KIF16B: variants seen among roughly 807,000 people sequenced by gnomAD.
KIF16B encodes kinesin-like protein KIF16B.
A neutral mutation model predicts 156.3 loss-of-function variants in KIF16B; 98 were observed. The ratio of observed to expected loss-of-function variants is 0.63; its 90% CI spans 0.53 to 0.74. The LOEUF is 0.74. Among genes scored for constraint, KIF16B ranks in the 30% least tolerant of loss-of-function variants. KIF16B has a pLI of 0.00. For synonymous variants in KIF16B, 564 were observed against 583.7 expected (o/e 0.97, Z 0.49); for missense variants, 1,421 against 1,606.5 (o/e 0.88, Z 1.97).
chr20:16,312,458 C>T (rs1207164464), intron 24 of KIF16B, 40 bp from the exon 25 acceptor site: 2 of 1,332,078 alleles, frequency 1.5e-6, no homozygotes, highest in Non-Finnish European at 2.2e-6. Flanking sequence ...TAATAGCATA[C>T]CTGTTAATTG....
At chr20:16,565,153 T>C (rs113903312) in intron 1 of KIF16B, among the ~76,000 whole-genome samples, 4 of 152,342 alleles carry the variant, frequency 2.6e-5, no homozygotes, top group African/African-American at 9.6e-5. Context: ...TTTATGGAAG[T>C]GGTTCTCAAA....
At chr20:16,403,741 C>T (rs2065713594) in intron 17 of KIF16B, among the ~76,000 whole-genome samples, 1 of 152,316 alleles carries the variant, frequency 6.6e-6, no homozygotes, top group Admixed American at 6.5e-5. Context: ...CCTCCTATGA[C>T]ACTGAAGAAA....
chr20:16,544,443 C>A (rs143544315), intron 1 of KIF16B, among the ~76,000 whole-genome samples: 2 of 151,938 alleles, frequency 1.3e-5, no homozygotes, highest in Admixed American at 1.3e-4. Flanking sequence ...AACCCCGTCT[C>A]TACTAAAAAT....
intron 23 of KIF16B, among the ~76,000 whole-genome samples, chr20:16,344,597 G>C (rs976401452): frequency 1.3e-5 from 2 of 152,142 alleles, no homozygotes; most frequent in African/African-American, 4.8e-5. Context: ...GGTCCCATCA[G>C]AACAGTCCCC....
chr20:16,445,419 C>CGTGTGTGTGTGTGT (rs11467171), intron 12 of KIF16B, among the ~76,000 whole-genome samples: 1,536 of 146,852 alleles, frequency 0.01, 28 homozygotes, highest in African/African-American at 0.034. Context: ...CATGTATATA[C>CGTGTGTGTGTGTGT]GTGTGTGTGT....
chr20:16,408,699 T>G (rs1242224131), intron 15 of KIF16B, among the ~76,000 whole-genome samples: 1 of 152,126 alleles, frequency 6.6e-6, no homozygotes, highest in Non-Finnish European at 1.5e-5. Context: ...GTTATCTGCA[T>G]GAAATACACA....
At position 16,406,365 on chromosome 20, in the gene KIF16B, G is replaced by A. The variant is rs753496207; in HGVS notation, c.1695+9C>T. ...AGTGGTTCCCTCCTAGAGACGCCGT[G>A]TCCCTCACCTTCCTCTTCTCCCTGA... On this transcript the variant is annotated intron_variant, in intron 16 of 25. Coordinates refer to ENST00000354981, the MANE Select transcript of KIF16B (RefSeq NM_024704.5). 8.1e-6 allele frequency: 13 copies of A among 1,612,218 alleles called. No individual in the cohort carries two copies. In the South Asian group the frequency reaches 1.4e-4, roughly 18 times the overall value.
chr20:16,558,912 A>C (rs2070954068), intron 1 of KIF16B, among the ~76,000 whole-genome samples: 1 of 151,826 alleles, frequency 6.6e-6, no homozygotes, highest in Non-Finnish European at 1.5e-5. Flanking sequence ...AAAAAAAAAA[A>C]AAAAAAAAAC....
Position 16,498,014 on chromosome 20 carries a change from A to G in KIF16B, c.1177-336T>C, listed in dbSNP as rs143950422. 7.9e-5 allele frequency among the ~76,000 whole-genome samples: 12 copies of G among 152,320 alleles called. No individual in the cohort carries two copies. The East Asian group carries it at 1.2e-3, about 15-fold the overall frequency. ...CCTCTTTTAATATGTACAGAGTCCA[A>G]CATTCAAAAGGGACCATGCCTAAGT... On this transcript the variant is annotated intron_variant, in intron 10 of 25. Coordinates refer to ENST00000354981, the MANE Select transcript of KIF16B (RefSeq NM_024704.5).
chr20:16,286,916 G>T (rs1052877719), intron 25 of KIF16B, among the ~76,000 whole-genome samples: 1 of 152,216 alleles, frequency 6.6e-6, no homozygotes, highest in African/African-American at 2.4e-5. Context: ...TGCCATGGGT[G>T]ACTTGAGAGC....
chr20:16,513,005 G>C (rs2147064581), intron 4 of KIF16B, 82 bp from the exon 5 acceptor site: 1 of 1,027,366 alleles, frequency 9.7e-7, no homozygotes, highest in Non-Finnish European at 1.5e-6. Flanking sequence ...CTGGCATGAA[G>C]TTAGACTCAA....
chr20:16,509,477 G>A (rs141524346), intron 6 of KIF16B, among the ~76,000 whole-genome samples: 210 of 152,242 alleles, frequency 1.4e-3, no homozygotes, highest in Non-Finnish European at 3.4e-4. Flanking sequence ...CCACAATACA[G>A]TCTTATCAGG....
intron 1 of KIF16B, among the ~76,000 whole-genome samples, chr20:16,565,574 G>A (rs2071223209): frequency 6.6e-6 from 1 of 152,178 alleles, no homozygotes; most frequent in African/African-American, 2.4e-5. Flanking sequence ...GCTCCAGCCT[G>A]AACCCGGCTC....
Position 16,360,865 on chromosome 20 carries a change from G to A in KIF16B, c.3499-4413C>T, listed in dbSNP as rs185097968. ...ATTTCCTTCAAAAGGAACAAATTGAGGAAATGAACAGGAAGCGGCACTTAC... is the reference window on the plus strand; with the variant it reads ...ATTTCCTTCAAAAGGAACAAATTGAAGAAATGAACAGGAAGCGGCACTTAC... On this transcript the variant is annotated intron_variant, in intron 22 of 25. Transcript: ENST00000354981. Among the ~76,000 whole-genome samples the A allele has an allele frequency of 2.0e-5, 3 of 152,246 alleles. No individual in the cohort carries two copies. The East Asian group carries it at 5.8e-4, about 29-fold the overall frequency.
intron 3 of KIF16B, among the ~76,000 whole-genome samples, chr20:16,524,034 T>C (rs2069445876): frequency 6.6e-6 from 1 of 151,438 alleles, no homozygotes; most frequent in Non-Finnish European, 1.5e-5. Context: ...CAAGATGGAT[T>C]AAAGACTTAA....
At chr20:16,561,699 A>G (rs2071070148) in intron 1 of KIF16B, among the ~76,000 whole-genome samples, 1 of 152,244 alleles carries the variant, frequency 6.6e-6, no homozygotes, top group Non-Finnish European at 1.5e-5. Context: ...GTAGTAAGAC[A>G]TATTGACATC....
At chr20:16,332,566 T>C (rs1461693700) in intron 24 of KIF16B, among the ~76,000 whole-genome samples, 2 of 152,182 alleles carry the variant, frequency 1.3e-5, no homozygotes, top group Non-Finnish European at 2.9e-5. Context: ...GTGAGAGTAA[T>C]TATAAGCCAC....
intron 1 of KIF16B, among the ~76,000 whole-genome samples, chr20:16,548,475 C>T (rs529642719): frequency 2.3e-4 from 35 of 152,320 alleles, no homozygotes; most frequent in African/African-American, 8.4e-4. Context: ...GGCAGGCAAG[C>T]GAGCATTACT....
At chr20:16,385,591 G>C (rs1467833210) in intron 17 of KIF16B, among the ~76,000 whole-genome samples, 1 of 152,232 alleles carries the variant, frequency 6.6e-6, no homozygotes, top group African/African-American at 2.4e-5. Flanking sequence ...CCAGGATCAA[G>C]TGAGACACGA....
Sources: gnomAD v4.1 joint callset for allele counts (sites outside exome capture counted in the v4.1 genomes callset) on GRCh38, gnomAD v4.1.1 for gene constraint, MANE v1.5 for transcripts, NCBI Gene and HGNC (gene_info 2026-07-23, HGNC 2026-07-21) for gene names.